ZNF215: variants seen among roughly 807,000 people sequenced by gnomAD.
ZNF215 encodes the protein BWSCR2-associated zinc finger protein 2.
In ZNF215, 24 loss-of-function variants were observed where a neutral mutation model predicts 27.2. The ratio of observed to expected loss-of-function variants is 0.88; its 90% CI spans 0.64 to 1.24. The LOEUF (loss-of-function observed/expected upper bound fraction) is 1.24. Ranked by LOEUF, ZNF215 falls within the 50% of genes most tolerant of loss-of-function variation. The pLI, the probability that ZNF215 is intolerant of heterozygous loss-of-function variation, is 0.00. For synonymous variants in ZNF215, 210 were observed against 204.0 expected, an observed-to-expected ratio of 1.03 and a Z score of -0.25; for missense variants, 675 against 605.7, an observed-to-expected ratio of 1.11 and a Z score of -1.20.
chr11:6,939,063 G>A (rs912287774), intron 3 of ZNF215, among the ~76,000 whole-genome samples: 1 of 152,150 alleles, frequency 6.6e-6, no homozygotes, highest in Non-Finnish European at 1.5e-5. Context: ...AAATTGAAAG[G>A]ATAGGAAGAT....
At position 6,955,787 on chromosome 11, in the gene ZNF215, G is replaced by A. The variant is rs117944949; in HGVS notation, c.810G>A (p.Glu270=). ...CTTCTTCAGATGCCTGGAAAGGTGA[G>A]AATTGGTTATATAGGAACCAGAAAA... ...GHPSSDAWKG[E]NWLYRNQKKW... is the part of the protein sequence containing the mutation. Residue 270 remains glutamate (E), a synonymous_variant, in exon 7 of 7, where the codon GAG becomes GAA. Transcript: ENST00000278319. 157 of 1,613,410 alleles carry A rather than the reference G, an allele frequency of 9.7e-5. No homozygotes were observed. Among genetic ancestry groups the A allele is most frequent in the Non-Finnish European group, 1.3e-4 (148 of 1,179,876 alleles).
At chr11:6,930,524 C>A (rs572524517) in intron 2 of ZNF215, among the ~76,000 whole-genome samples, 1 of 152,254 alleles carries the variant, frequency 6.6e-6, no homozygotes, top group Admixed American at 6.5e-5. Context: ...ACTCATCTGC[C>A]ATTAAACTGT....
At chr11:6,949,746 A>G (rs576177054) in intron 6 of ZNF215, among the ~76,000 whole-genome samples, 5 of 152,170 alleles carry the variant, frequency 3.3e-5, no homozygotes, top group Admixed American at 2.6e-4. Context: ...ATCAGATCCC[A>G]TTTGTCAATT....
chr11:6,938,602 T>TA (rs11418506), intron 3 of ZNF215, among the ~76,000 whole-genome samples: 64,084 of 150,144 alleles, frequency 0.43, 13,752 homozygotes, highest in African/African-American at 0.5. Flanking sequence ...TGATACATGT[T>TA]AAAAAAAAAA....
chr11:6,946,683 G>A (rs747588424), intron 6 of ZNF215, among the ~76,000 whole-genome samples: 5 of 151,972 alleles, frequency 3.3e-5, no homozygotes, highest in Non-Finnish European at 5.9e-5. Context: ...TCAGTTGTAC[G>A]CTTGTGCAGC....
downstream of ZNF215, among the ~76,000 whole-genome samples, chr11:6,989,153 A>C (rs1480292199): frequency 1.0e-5 from 1 of 95,480 alleles, no homozygotes; most frequent in African/African-American, 4.2e-5. Context: ...TCCGTCTCAA[A>C]AAAAAAAAAA....
chr11:6,985,408 C>T (rs910998167), downstream of ZNF215, among the ~76,000 whole-genome samples: 1 of 152,112 alleles, frequency 6.6e-6, no homozygotes, highest in Non-Finnish European at 1.5e-5. Context: ...ATAATTAGAG[C>T]CATCTATGAC....
intron 5 of ZNF215, among the ~76,000 whole-genome samples, chr11:6,963,806 G>C (rs1389073705): frequency 6.6e-6 from 1 of 151,982 alleles, no homozygotes; most frequent in Non-Finnish European, 1.5e-5. Context: ...TCCCAGTTTT[G>C]CTTTGCTTTA....
At chr11:6,947,507 T>A (rs1225139487) in intron 6 of ZNF215, among the ~76,000 whole-genome samples, 1 of 151,964 alleles carries the variant, frequency 6.6e-6, no homozygotes, top group East Asian at 1.9e-4. Flanking sequence ...TATCACTGCA[T>A]CCCATCCTGG....
chr11:6,975,756 G>T (rs1022549766), intron 5 of ZNF215, among the ~76,000 whole-genome samples: 1 of 152,100 alleles, frequency 6.6e-6, no homozygotes, highest in Non-Finnish European at 1.5e-5. Context: ...TCTGCTGATG[G>T]ACACTTAGGC....
intron 3 of ZNF215, among the ~76,000 whole-genome samples, chr11:6,938,770 G>A (rs1357004109): frequency 1.3e-5 from 2 of 152,024 alleles, no homozygotes; most frequent in Non-Finnish European, 2.9e-5. Flanking sequence ...ATTAATATGG[G>A]GCTCTTTCTT....
At chr11:6,928,316 A>G (rs1849131636) in intron 2 of ZNF215, among the ~76,000 whole-genome samples, 1 of 152,182 alleles carries the variant, frequency 6.6e-6, no homozygotes, top group South Asian at 2.1e-4. Flanking sequence ...TTTATCTGTC[A>G]GAGTCTGAGA....
At chr11:6,935,746 A>G (rs1282455426) in intron 3 of ZNF215, among the ~76,000 whole-genome samples, 14 of 152,184 alleles carry the variant, frequency 9.2e-5, no homozygotes, top group Non-Finnish European at 5.9e-5. Flanking sequence ...CCAAAAAACA[A>G]CAGAAGATAC....
At chr11:6,961,393 T>G (rs1398457137), downstream of ZNF215, among the ~76,000 whole-genome samples, 2 of 152,122 alleles carry the variant, frequency 1.3e-5, no homozygotes, top group East Asian at 3.8e-4. Context: ...GAATATGCTT[T>G]AATGGAGAGA....
downstream of ZNF215, among the ~76,000 whole-genome samples, chr11:6,985,751 C>T (rs1484655541): frequency 6.6e-6 from 1 of 152,090 alleles, no homozygotes; most frequent in Non-Finnish European, 1.5e-5. Flanking sequence ...AACATTTAAG[C>T]TGAGAGCCAA....
Position 6,932,263 on chromosome 11 carries a change from ATT to A in ZNF215, c.-8_-7del. 6.2e-7 allele frequency: 1 copy of A among 1,611,256 alleles called. No individual in the cohort carries two copies. The highest frequency in any genetic ancestry group is 8.5e-7 in the Non-Finnish European group (1 of 1,178,678). ...GGATTTGAACTACTGTGGGAGTTCT[ATT>A]TAGGAAGATGCAGCCTCTGAGCAAG... On this transcript the variant is annotated 5_prime_UTR_variant, in exon 3 of 7. Coordinates refer to ENST00000278319, the MANE Select transcript of ZNF215 (RefSeq NM_013250.4).
At position 6,956,258 on chromosome 11, in the gene ZNF215, ACTTCATG is replaced by A; in HGVS notation, c.1284_1290del (p.His429LysfsTer52). 1 of 1,613,936 alleles carries A rather than the reference ACTTCATG, an allele frequency of 6.2e-7. No homozygotes were observed. Among genetic ancestry groups the A allele is most frequent in the East Asian group, 2.2e-5 (1 of 44,876 alleles). The stretch of plus-strand genomic sequence containing the variant: ...GTACAAACCTTACTAAGCATCAAAA[ACTTCATG>A]CTGAAGCAAAGGCCTGCACAAGCAA... On this transcript the variant is annotated frameshift_variant, in exon 7 of 7. Transcript: ENST00000278319. LOFTEE classifies it low-confidence loss of function (END_TRUNC).
intron 3 of ZNF215, among the ~76,000 whole-genome samples, chr11:6,939,651 C>T (rs1849567704): frequency 6.6e-6 from 1 of 151,958 alleles, no homozygotes; most frequent in Non-Finnish European, 1.5e-5. Flanking sequence ...CTGTAAAGAA[C>T]TTGAGAATGT....
chr11:6,949,614 T>G (rs573606694), intron 6 of ZNF215, among the ~76,000 whole-genome samples: 17 of 152,330 alleles, frequency 1.1e-4, no homozygotes, highest in African/African-American at 4.1e-4. Flanking sequence ...TTGAGTTCAT[T>G]GTAGATTCTG....
Sources: allele counts gnomAD v4.1 joint callset (sites outside exome capture counted in the v4.1 genomes callset), GRCh38; gene constraint gnomAD v4.1.1; transcripts MANE v1.5; gene names NCBI Gene and HGNC (gene_info 2026-07-23, HGNC 2026-07-21).